The following FAM171A1 variants were observed in gnomAD, a reference collection of about 807,000 sequenced individuals.
FAM171A1 encodes protein FAM171A1.
A neutral mutation model predicts 74.9 loss-of-function variants in FAM171A1; 23 were observed. The ratio of observed to expected loss-of-function variants is 0.31; its 90% CI spans 0.22 to 0.44. The LOEUF (loss-of-function observed/expected upper bound fraction) is 0.44, where lower values mean the gene tolerates loss of function less well. Ranked by LOEUF, FAM171A1 falls within the 20% of genes least tolerant of loss-of-function variation. FAM171A1 has a pLI of 1.00. For synonymous variants in FAM171A1, 527 were observed against 505.7 expected, an observed-to-expected ratio of 1.04 and a Z score of -0.57; for missense variants, 1,162 against 1,159.2, an observed-to-expected ratio of 1.00 and a Z score of -0.03.
Position 15,214,168 on chromosome 10 carries a change from T to A in FAM171A1, c.1420A>T (p.Arg474Ter). 5 of 1,614,180 alleles carry A rather than the reference T, an allele frequency of 3.1e-6. No individual in the cohort carries two copies. Among genetic ancestry groups the A allele is most frequent in the Non-Finnish European group, 4.2e-6 (5 of 1,180,030 alleles). ...FPLKARKSME[R>*]EGYESSGNDD... ...TTGCCCGAGGACTCGTAGCCTTCTC[T>A]TTCCATAGATTTTCTTGCCTTTAAG... Residue 474 changes from arginine to a stop codon, truncating the protein, a stop_gained, in exon 8 of 8, where the codon AGA becomes TGA. Transcript: ENST00000378116. LOFTEE classifies it high-confidence loss of function.
In FAM171A1 at chr10:15,275,852, T is replaced by C; in HGVS notation, c.418+3A>G. ...TAAAAACTGAAAAAAATATTAAATA[T>C]ACCTTGGAATCCTGATACTATTTGG... On this transcript the variant is annotated splice_donor_region_variant and intron_variant, in intron 3 of 7. Transcript: ENST00000378116. 6.3e-7 allele frequency: 1 copy of C among 1,584,072 alleles called. No homozygotes were observed. The highest frequency in any genetic ancestry group is 8.6e-7 in the Non-Finnish European group (1 of 1,158,554).
At chr10:15,219,583 CT>C (rs922228541) in intron 6 of FAM171A1, among the ~76,000 whole-genome samples, 1 of 151,946 alleles carries the variant, frequency 6.6e-6, no homozygotes, top group African/African-American at 2.4e-5. Flanking sequence ...ACACATTAAT[CT>C]TTTTTTTCTT....
chr10:15,283,098 G>A (rs1440391367), intron 2 of FAM171A1, among the ~76,000 whole-genome samples: 1 of 152,174 alleles, frequency 6.6e-6, no homozygotes, highest in African/African-American at 2.4e-5. Flanking sequence ...TTTCCCCAAA[G>A]CTCTGTCCAT....
chr10:15,293,041 TATAAC>T (rs1241821178), intron 1 of FAM171A1, among the ~76,000 whole-genome samples: 1 of 152,238 alleles, frequency 6.6e-6, no homozygotes, highest in African/African-American at 2.4e-5. Flanking sequence ...ATTGATTAAT[TATAAC>T]ATGCTCATAA....
Position 15,267,036 on chromosome 10 carries a change from G to A in FAM171A1, c.418+8819C>T, listed in dbSNP as rs192009737. On this transcript the variant is annotated intron_variant, in intron 3 of 7. Transcript: ENST00000378116. ...AGACCCAACGGGCAGTTTAGCGCACGGTGTGTTGGAGAGCAGAGACTCGAG... is the reference window on the plus strand; with the variant it reads ...AGACCCAACGGGCAGTTTAGCGCACAGTGTGTTGGAGAGCAGAGACTCGAG... Among the ~76,000 whole-genome samples the A allele has an allele frequency of 4.4e-3, 668 of 152,264 alleles. 3 individuals carry two copies. Among genetic ancestry groups the A allele is most frequent in the African/African-American group, 0.014 (590 of 41,532 alleles).
At chr10:15,241,057 CAAACACAA>C (rs1309421815) in intron 5 of FAM171A1, 4 of 152,172 alleles carry the variant, frequency 2.6e-5, no homozygotes, top group Admixed American at 2.0e-4. Context: ...AACAAACAAA[CAAACACAA>C]ACAAACAAAA....
At chr10:15,331,660 C>G (rs10752370) in intron 1 of FAM171A1, among the ~76,000 whole-genome samples, 1 of 151,480 alleles carries the variant, frequency 6.6e-6, no homozygotes, top group Non-Finnish European at 1.5e-5. Flanking sequence ...GGGTCCAAAG[C>G]TTTAGGGAGT....
chr10:15,288,035 G>A (rs1835058937), intron 1 of FAM171A1, among the ~76,000 whole-genome samples: 1 of 152,172 alleles, frequency 6.6e-6, no homozygotes, highest in African/African-American at 2.4e-5. Context: ...CCATTCCTGA[G>A]TTACTTCACT....
chr10:15,327,239 C>G (rs561529324), intron 1 of FAM171A1, among the ~76,000 whole-genome samples: 42 of 152,284 alleles, frequency 2.8e-4, no homozygotes, highest in Non-Finnish European at 5.3e-4. Flanking sequence ...CTGCCTACCC[C>G]CTAGGCCACT....
chr10:15,363,790 TC>T (rs572956051), intron 1 of FAM171A1, among the ~76,000 whole-genome samples: 322 of 152,234 alleles, frequency 2.1e-3, no homozygotes, highest in African/African-American at 7.6e-3. Context: ...ATTCTTTTGC[TC>T]CCAAATGAGA....
At chr10:15,324,186 G>C (rs1835521341) in intron 1 of FAM171A1, among the ~76,000 whole-genome samples, 1 of 152,140 alleles carries the variant, frequency 6.6e-6, no homozygotes, top group South Asian at 2.1e-4. Context: ...CTGATTAATG[G>C]AGAATTTAAC....
In FAM171A1 at chr10:15,214,369, C is replaced by T. The variant is rs143772901; in HGVS notation, c.1219G>A (p.Glu407Lys). The change falls in exon 8 of 8, where the codon GAA becomes AAA. Residue 407 changes from glutamate (E) to lysine (K), a missense_variant. Transcript: ENST00000378116. ...VHLEMMSPGG[E>K]GDLHTPMLKL... ...AGCATGGGGGTGTGCAGGTCCCCTTCGCCGCCCGGAGACATCATTTCCAAA... is the reference window on the plus strand; with the variant it reads ...AGCATGGGGGTGTGCAGGTCCCCTTTGCCGCCCGGAGACATCATTTCCAAA... The T allele has an allele frequency of 3.9e-4, 633 of 1,612,896 alleles. No individual in the cohort carries two copies. The highest frequency in any genetic ancestry group is 4.6e-4 in the Non-Finnish European group (546 of 1,179,304).
At chr10:15,245,062 C>G (rs1205184841) in intron 5 of FAM171A1, among the ~76,000 whole-genome samples, 1 of 148,652 alleles carries the variant, frequency 6.7e-6, no homozygotes, top group African/African-American at 2.5e-5. Flanking sequence ...TTTTTTTTTT[C>G]TTATTTATTT....
chr10:15,285,548 C>G (rs191942458), intron 1 of FAM171A1, among the ~76,000 whole-genome samples: 97 of 152,304 alleles, frequency 6.4e-4, no homozygotes, highest in Non-Finnish European at 2.9e-5. Context: ...AGAACTATCA[C>G]GTCAAGGGTG....
At chr10:15,270,989 G>A (rs1209082873) in intron 3 of FAM171A1, among the ~76,000 whole-genome samples, 2 of 152,242 alleles carry the variant, frequency 1.3e-5, no homozygotes, top group African/African-American at 4.8e-5. Flanking sequence ...CAAAAGGAAT[G>A]CAGCTCCTCG....
intron 3 of FAM171A1, among the ~76,000 whole-genome samples, chr10:15,267,542 G>A (rs1834761533): frequency 1.5e-5 from 2 of 131,588 alleles, no homozygotes; most frequent in Admixed American, 1.8e-4. Flanking sequence ...GGCAGAGGTT[G>A]CAATGAGCCG....
chr10:15,240,036 A>C (rs1165373477), intron 5 of FAM171A1, among the ~76,000 whole-genome samples: 1 of 152,236 alleles, frequency 6.6e-6, no homozygotes, highest in Non-Finnish European at 1.5e-5. Flanking sequence ...GAGATGCTCA[A>C]CTTATATATG....
intron 5 of FAM171A1, chr10:15,241,451 A>C (rs1000508786): frequency 2.0e-5 from 3 of 152,218 alleles, no homozygotes; most frequent in African/African-American, 4.8e-5. Flanking sequence ...GCAATGATTC[A>C]ACCCTGCGTT....
chr10:15,222,087 G>A (rs763699624), intron 5 of FAM171A1, among the ~76,000 whole-genome samples: 3 of 152,116 alleles, frequency 2.0e-5, no homozygotes, highest in Non-Finnish European at 2.9e-5. Context: ...GAGGCTGGGC[G>A]AACCTCTAGA....
Sources: gnomAD v4.1 joint callset for allele counts (sites outside exome capture counted in the v4.1 genomes callset) on GRCh38, gnomAD v4.1.1 for gene constraint, MANE v1.5 for transcripts, NCBI Gene and HGNC (gene_info 2026-07-23, HGNC 2026-07-21) for gene names.